PELP1: variants seen among roughly 807,000 people sequenced by gnomAD.
PELP1 encodes the protein proline, glutamate and leucine rich protein 1, also known as proline-, glutamic acid- and leucine-rich protein 1.
In PELP1, 32 loss-of-function variants were observed where a neutral mutation model predicts 95.5. The ratio of observed to expected loss-of-function variants is 0.34; its 90% CI spans 0.25 to 0.45. The LOEUF (loss-of-function observed/expected upper bound fraction) is 0.45, where lower values mean the gene tolerates loss of function less well. Among genes scored for constraint, PELP1 ranks in the 20% least tolerant of loss-of-function variants. PELP1 has a pLI of 1.00. For synonymous variants in PELP1, 668 were observed against 600.1 expected, an observed-to-expected ratio of 1.11 and a Z score of -1.65; for missense variants, 1,358 against 1,444.8, an observed-to-expected ratio of 0.94 and a Z score of 0.97.
At position 4,682,850 on chromosome 17, in the gene PELP1, T is replaced by C. The variant is rs1162506925; in HGVS notation, c.523A>G (p.Asn175Asp). The C allele has an allele frequency of 1.2e-6, 2 of 1,601,594 alleles. No homozygotes were observed. Among genetic ancestry groups the C allele is most frequent in the Admixed American group, 1.7e-5 (1 of 57,690 alleles). ...GAGGTGAGAAGGCCAGGGAGGTGGTTCATGGAGATGTCCCGGAACAGTGCA... is the reference window on the plus strand; with the variant it reads ...GAGGTGAGAAGGCCAGGGAGGTGGTCCATGGAGATGTCCCGGAACAGTGCA... ...LPALFRDISMNHLPGLLTSLL... is the reference protein window; with the variant it reads ...LPALFRDISMDHLPGLLTSLL... The change falls in exon 4 of 17, where the codon AAC becomes GAC. Residue 175 changes from asparagine to aspartate, a missense_variant. By Grantham distance (23) the Asn-to-Asp change is conservative (BLOSUM62 1). This residue lies in a region of PELP1 where 538 missense variants were observed against 628.1 expected (regional missense o/e 0.86). Transcript: ENST00000572293.
At chr17:4,699,925 C>CA (rs1913453940) in intron 1 of PELP1, among the ~76,000 whole-genome samples, 1 of 64,204 alleles carries the variant, frequency 1.6e-5, no homozygotes. Flanking sequence ...TTTTTTGAGA[C>CA]AGAGTTTCAC....
chr17:4,675,966 G>A lies in PELP1; in HGVS notation c.980+70C>T. 1.2e-6 allele frequency: 2 copies of A among 1,600,838 alleles called. No homozygotes were observed. The highest frequency in any genetic ancestry group is 8.5e-7 in the Non-Finnish European group (1 of 1,171,366). On this transcript the variant is annotated intron_variant, in intron 8 of 16. Transcript: ENST00000572293. The surrounding 1 kb of genome is among the most constrained non-coding windows in gnomAD (Gnocchi z 4.3). ...CACCCACCTTCATCTCCTTTCTCCT[G>A]ATGAAGGCGACACTCCCTCATCAAT... is the stretch of plus-strand genomic sequence containing the variant.
chr17:4,675,717 G>T lies in PELP1; in HGVS notation c.1068+80C>A. The T allele has an allele frequency of 1.0e-6, 1 of 996,416 alleles. No individual in the cohort carries two copies. The highest frequency in any genetic ancestry group is 1.6e-6 in the Non-Finnish European group (1 of 639,740). The allele number at this position is 996,416 out of a possible 1,614,324, so 61.7% of individuals were successfully genotyped here. On this transcript the variant is annotated intron_variant, in intron 9 of 16. Transcript: ENST00000572293. This position sits in a 1 kb window ranked among gnomAD's most constrained non-coding sequence, Gnocchi z 4.3. ...ACGACTCCAGGATGACACTGTTTGG[G>T]GAGACTCAGGTCCCCAGTACTTTCC...
At chr17:4,701,189 G>C (rs1178395447) in intron 1 of PELP1, among the ~76,000 whole-genome samples, 3 of 151,936 alleles carry the variant, frequency 2.0e-5, no homozygotes, top group Non-Finnish European at 4.4e-5. Flanking sequence ...AGGGGAGAGA[G>C]GTTATAAGTA....
chr17:4,676,002 C>T, intron 8 of PELP1, 34 bp downstream of exon 8: 1 of 1,611,962 alleles, frequency 6.2e-7, no homozygotes, highest in Non-Finnish European at 8.5e-7. Context: ...CCCTCCTGCT[C>T]CACGCCTCCG....
Position 4,673,410 on chromosome 17 carries a change from C to T in PELP1, c.1685G>A (p.Gly562Asp). The T allele has an allele frequency of 6.3e-7, 1 of 1,595,820 alleles. No homozygotes were observed. The highest frequency in any genetic ancestry group is 8.5e-7 in the Non-Finnish European group (1 of 1,171,798). ...GTACGGGGAGCTGCCTAGGACCTCA[C>T]CCTGCTGTACACCCATGACCAGGGG... ...VLPLVMGVQQGEVLGSSPYTS... is the reference protein window; with the variant it reads ...VLPLVMGVQQDEVLGSSPYTS... The change falls in exon 15 of 17, where the codon GGT (glycine) becomes GAT (aspartate). Residue 562 changes from glycine (G) to aspartate (D), a missense_variant. Physicochemically the swap from Gly to Asp is moderately conservative, Grantham distance 94. Transcript: ENST00000572293. This position sits in a 1 kb window ranked among gnomAD's most constrained non-coding sequence, Gnocchi z 5.7.
Position 4,672,336 on chromosome 17 carries a change from G to A in PELP1, c.2655C>T (p.Ser885=), listed in dbSNP as rs768215455. 39 of 1,552,840 alleles carry A rather than the reference G, an allele frequency of 2.5e-5. No homozygotes were observed. The highest frequency in any genetic ancestry group is 1.7e-4 in the Middle Eastern group (1 of 6,020). The part of the protein sequence containing the change: ...EEDLTVININ[S]SDEEEEEEEE... Reference sequence around the variant, plus strand: ...CCTCTTCCTCCTCCTCTTCATCACTGCTGTTGATATTAATAACTGTCAAAT... The same window carrying A: ...CCTCTTCCTCCTCCTCTTCATCACTACTGTTGATATTAATAACTGTCAAAT... The change falls in exon 16 of 17, where the codon AGC becomes AGT. Residue 885 remains serine (S), a synonymous_variant. Transcript: ENST00000572293.
chr17:4,688,220 G>A (rs372891192), intron 3 of PELP1, among the ~76,000 whole-genome samples: 3 of 151,940 alleles, frequency 2.0e-5, no homozygotes, highest in East Asian at 3.9e-4. Context: ...CTGTAATCCC[G>A]GCTACCTGGG....
chr17:4,698,438 G>A (rs139511077), intron 1 of PELP1, among the ~76,000 whole-genome samples: 24,270 of 149,906 alleles, frequency 0.16, 2,553 homozygotes, highest in Non-Finnish European at 0.25. Context: ...TTCGAGACCA[G>A]CCTGGCCAAC....
chr17:4,673,175 C>A lies in PELP1; in HGVS notation c.1846-30G>T. ...GGAAAGAAGAAAGGGCAAGTGTGAGCACCAGAAATACTGGGAGTCTCTTGG... is the reference window on the plus strand; with the variant it reads ...GGAAAGAAGAAAGGGCAAGTGTGAGAACCAGAAATACTGGGAGTCTCTTGG... On this transcript the variant is annotated intron_variant, in intron 15 of 16. Transcript: ENST00000572293. This position sits in a 1 kb window ranked among gnomAD's most constrained non-coding sequence, Gnocchi z 5.7. 6.6e-7 allele frequency: 1 copy of A among 1,514,048 alleles called. No individual in the cohort carries two copies. 93.8% of individuals were successfully genotyped at this position (1,514,048 alleles called of 1,614,324 possible). A position where few individuals can be genotyped will look rare whatever the true frequency, so the allele number is the denominator to read the frequency against.
rs756096509 is a variant in PELP1, at chr17:4,672,640, G to C, written c.2351C>G (p.Ser784Cys). ...SDVEISLESD[S>C]DDSVVIVPEG... ...GGGCACGATCACCACGCTGTCATCA[G>C]AGTCACTTTCCAAGGAGATCTCCAC... Residue 784 changes from serine to cysteine, a missense_variant, in exon 16 of 17, where the codon TCT becomes TGT. Ser to Cys is a moderately radical substitution (Grantham distance 112). Transcript: ENST00000572293. 6.2e-7 allele frequency: 1 copy of C among 1,612,774 alleles called. No individual in the cohort carries two copies. The highest frequency in any genetic ancestry group is 8.5e-7 in the Non-Finnish European group (1 of 1,179,362).
intron 3 of PELP1, among the ~76,000 whole-genome samples, chr17:4,687,945 G>A (rs934730155): frequency 2.6e-5 from 4 of 152,224 alleles, no homozygotes; most frequent in African/African-American, 9.6e-5. Flanking sequence ...CATTCCCCTT[G>A]AGAACTGGAA....
At chr17:4,681,864 G>T (rs542313486) in intron 5 of PELP1, among the ~76,000 whole-genome samples, 20 of 151,804 alleles carry the variant, frequency 1.3e-4, no homozygotes. Flanking sequence ...AAAAAAAAAT[G>T]AATAAAGTAA....
chr17:4,690,661 G>A (rs1054952836), intron 3 of PELP1, among the ~76,000 whole-genome samples: 4 of 152,182 alleles, frequency 2.6e-5, no homozygotes, highest in Admixed American at 6.5e-5. Context: ...GGCAGAGGAT[G>A]CAGTGAGCCA....
rs1402963402 is a variant in PELP1 at position 4,672,122 on chromosome 17, GTTC to G, written c.2866_2868del (p.Glu956del). 5.3e-5 allele frequency: 82 copies of G among 1,552,754 alleles called. No individual in the cohort carries two copies. The highest frequency in any genetic ancestry group is 4.4e-5 in the Non-Finnish European group (50 of 1,147,698). On this transcript the variant is annotated inframe_deletion, in exon 16 of 17. Coordinates refer to ENST00000572293, the MANE Select transcript of PELP1 (RefSeq NM_014389.3). ...AACTCCAGGTCTTCCACCTCTTCCA[GTTC>G]TTCTTCCTCCTCCTCATCCTCCTCT...
chr17:4,676,791 G>GA lies in PELP1; in HGVS notation c.663dup (p.Leu222SerfsTer3). 6.4e-7 allele frequency: 1 copy of GA among 1,569,180 alleles called. No homozygotes were observed. Among genetic ancestry groups the GA allele is most frequent in the Non-Finnish European group, 8.6e-7 (1 of 1,156,640 alleles). The stretch of plus-strand genomic sequence containing the variant: ...GGGCTCAAGGCATCCACCCTAGACA[G>GA]AAAAAATGAGGCCAGCTTGCCCTGG... On this transcript the variant is annotated frameshift_variant, in exon 6 of 17. Coordinates refer to ENST00000572293, the MANE Select transcript of PELP1 (RefSeq NM_014389.3). LOFTEE classifies it high-confidence loss of function.
chr17:4,688,219 C>T (rs1168014757), intron 3 of PELP1, among the ~76,000 whole-genome samples: 1 of 152,070 alleles, frequency 6.6e-6, no homozygotes, highest in Non-Finnish European at 1.5e-5. Context: ...CCTGTAATCC[C>T]GGCTACCTGG....
intron 3 of PELP1, among the ~76,000 whole-genome samples, chr17:4,686,610 C>T (rs1413973364): frequency 1.3e-5 from 2 of 152,122 alleles, no homozygotes; most frequent in African/African-American, 2.4e-5. Context: ...CTCCATCTCC[C>T]GGGTTAGAGC....
In PELP1 at chr17:4,703,850, G is replaced by A. The variant is rs746234766; in HGVS notation, c.249+13C>T. On this transcript the variant is annotated intron_variant, in intron 1 of 16. Coordinates refer to ENST00000572293, the MANE Select transcript of PELP1 (RefSeq NM_014389.3). ...TCCCCACAGGGCCGCGGGCACGCGG[G>A]CCACGGACTCACCTGGGCCCCGCCC... The A allele has an allele frequency of 1.2e-6, 2 of 1,602,786 alleles. No homozygotes were observed. The highest frequency in any genetic ancestry group is 1.7e-6 in the Non-Finnish European group (2 of 1,174,020).
Sources: gnomAD v4.1 joint callset for allele counts (sites outside exome capture counted in the v4.1 genomes callset) on GRCh38, gnomAD v4.1.1 for gene constraint, gnomAD v4.1.1 regional missense constraint, Gnocchi (gnomAD v3.1) non-coding constraint, MANE v1.5 for transcripts, NCBI Gene and HGNC (gene_info 2026-07-23, HGNC 2026-07-21) for gene names.